SNX25: variants seen among roughly 807,000 people sequenced by gnomAD.
SNX25 encodes the protein sorting nexin 25.
SNX25 carries 62 observed loss-of-function variants against 113.7 expected under a neutral mutation model. The ratio of observed to expected loss-of-function variants is 0.55; its 90% CI spans 0.44 to 0.67. The LOEUF (loss-of-function observed/expected upper bound fraction) is 0.67, where lower values mean the gene tolerates loss of function less well. Ranked by LOEUF, SNX25 falls within the 30% of genes least tolerant of loss-of-function variation. The pLI is 0.00. For synonymous variants in SNX25, 421 were observed against 436.2 expected (o/e 0.97, Z 0.43); for missense variants, 1,014 against 1,161.0 (o/e 0.87, Z 1.84).
At chr4:185,273,274 T>C (rs1398439054) in intron 5 of SNX25, among the ~76,000 whole-genome samples, 2 of 152,116 alleles carry the variant, frequency 1.3e-5, no homozygotes, top group African/African-American at 4.8e-5. Flanking sequence ...AGGTGTACAG[T>C]GTCATTTATT....
intron 4 of SNX25, among the ~76,000 whole-genome samples, chr4:185,265,449 A>G (rs1747930196): frequency 6.6e-6 from 1 of 152,198 alleles, no homozygotes; most frequent in South Asian, 2.1e-4. Context: ...CAGTAAAAAT[A>G]TGGTATAAAA....
At chr4:185,290,457 C>G (rs1751992951) in intron 6 of SNX25, among the ~76,000 whole-genome samples, 2 of 152,212 alleles carry the variant, frequency 1.3e-5, no homozygotes, top group South Asian at 4.1e-4. Flanking sequence ...ACACTGGACA[C>G]TGGTCTCATT....
At position 185,239,083 on chromosome 4, in the gene SNX25, C is replaced by T. The variant is rs114109509; in HGVS notation, c.430-8211C>T. Reference sequence around the variant, plus strand: ...ACACAAAGACAGTTTGAGCGCATTACGGCTGGTACTCTGGAGTAAACAGAA... The same window carrying T: ...ACACAAAGACAGTTTGAGCGCATTATGGCTGGTACTCTGGAGTAAACAGAA... On this transcript the variant is annotated intron_variant, in intron 1 of 18. Transcript: ENST00000652585. 6.4e-3 allele frequency among the ~76,000 whole-genome samples: 970 copies of T among 152,204 alleles called. 6 individuals are homozygous for T. The highest frequency in any genetic ancestry group is 9.5e-3 in the Non-Finnish European group (643 of 68,010).
intron 2 of SNX25, among the ~76,000 whole-genome samples, chr4:185,249,570 A>G (rs1464032678): frequency 6.6e-6 from 1 of 152,152 alleles, no homozygotes; most frequent in Non-Finnish European, 1.5e-5. Context: ...TGTTTTCTTA[A>G]TGCTATCTTT....
chr4:185,307,197 A>T (rs1213624300), intron 6 of SNX25, among the ~76,000 whole-genome samples: 1 of 152,194 alleles, frequency 6.6e-6, no homozygotes, highest in Non-Finnish European at 1.5e-5. Context: ...ACTAATTGGG[A>T]CCTGAGATGG....
intron 6 of SNX25, among the ~76,000 whole-genome samples, chr4:185,309,240 C>G (rs1352819984): frequency 6.6e-6 from 1 of 152,150 alleles, no homozygotes; most frequent in East Asian, 1.9e-4. Flanking sequence ...GCATGGAAGC[C>G]TCGGGGCAGG....
chr4:185,326,176 T>C (rs1406579912), intron 9 of SNX25, among the ~76,000 whole-genome samples: 1 of 152,190 alleles, frequency 6.6e-6, no homozygotes, highest in Non-Finnish European at 1.5e-5. Flanking sequence ...AAAAGTTACT[T>C]TGACTTTGAA....
chr4:185,321,748 A>G (rs2095121856), intron 8 of SNX25, among the ~76,000 whole-genome samples: 1 of 152,166 alleles, frequency 6.6e-6, no homozygotes, highest in Non-Finnish European at 1.5e-5. Flanking sequence ...ATATCTGTAG[A>G]TTCAACCAAC....
rs773796826 is a variant in SNX25 at position 185,323,530 on chromosome 4, T to C, written c.1479T>C (p.Asn493=). The change falls in exon 9 of 19, where the codon AAT becomes AAC. Residue 493 remains asparagine, a splice_region_variant and synonymous_variant. Transcript: ENST00000652585. The part of the protein sequence containing the change: ...SVEHLKNANK[N]EIPQLVGEIY... ...TCCTTATCTTCCTGTCTTTTCAGAA[T>C]GAAATTCCACAATTAGTTGGTGAAA... The C allele has an allele frequency of 1.1e-5, 17 of 1,607,410 alleles. No homozygotes were observed. The highest frequency in any genetic ancestry group is 2.7e-5 in the African/African-American group (2 of 74,472).
downstream of SNX25, among the ~76,000 whole-genome samples, chr4:185,373,766 T>C (rs1270401535): frequency 6.6e-6 from 1 of 152,254 alleles, no homozygotes; most frequent in Non-Finnish European, 1.5e-5. Context: ...AAATCTTAGA[T>C]GGATTTTATT....
chr4:185,236,511 A>G (rs918728396), intron 1 of SNX25, among the ~76,000 whole-genome samples: 1 of 150,302 alleles, frequency 6.7e-6, no homozygotes, highest in African/African-American at 2.4e-5. Flanking sequence ...CCAGTAGCAT[A>G]ACAGTGGCCA....
chr4:185,239,361 T>G (rs957156023), intron 1 of SNX25, among the ~76,000 whole-genome samples: 1 of 152,036 alleles, frequency 6.6e-6, no homozygotes, highest in Non-Finnish European at 1.5e-5. Context: ...TGGGCACCTG[T>G]AGTCCCAGCT....
chr4:185,308,574 T>C (rs776269272), intron 6 of SNX25, among the ~76,000 whole-genome samples: 1 of 152,202 alleles, frequency 6.6e-6, no homozygotes, highest in Non-Finnish European at 1.5e-5. Flanking sequence ...CTGATACATA[T>C]TAGCAAAATG....
At position 185,323,559 on chromosome 4, in the gene SNX25, A is replaced by G. The variant is rs985194364; in HGVS notation, c.1508A>G (p.Tyr503Cys). 4 of 1,611,624 alleles carry G rather than the reference A, an allele frequency of 2.5e-6. No individual in the cohort carries two copies. The Admixed American group carries it at 5.0e-5, about 20-fold the overall frequency. The change falls in exon 9 of 19, where the codon TAT becomes TGT. Residue 503 changes from tyrosine (Y) to cysteine (C), a missense_variant. Coordinates refer to ENST00000652585, the MANE Select transcript of SNX25 (RefSeq NM_001378034.2). ...NEIPQLVGEI[Y>C]QNFFVESKEI... is the part of the protein sequence containing the mutation. ...ATTCCACAATTAGTTGGTGAAATTT[A>G]TCAGAATTTCTTTGTGGAGAGCAAA...
chr4:185,247,208 G>T, intron 1 of SNX25, 86 bp from the exon 2 acceptor site: 1 of 846,008 alleles, frequency 1.2e-6, no homozygotes, highest in Non-Finnish European at 1.9e-6. Flanking sequence ...TGCTTGTTTA[G>T]ATGGCATTTC....
At chr4:185,319,257 G>A (rs975921190) in intron 7 of SNX25, among the ~76,000 whole-genome samples, 2 of 142,964 alleles carry the variant, frequency 1.4e-5, no homozygotes, top group African/African-American at 5.3e-5. Flanking sequence ...GAGTGCAATG[G>A]TGCAATCTCA....
intron 6 of SNX25, among the ~76,000 whole-genome samples, chr4:185,293,434 T>C (rs1214833515): frequency 2.0e-5 from 3 of 152,162 alleles, no homozygotes; most frequent in African/African-American, 7.2e-5. Flanking sequence ...GGGAGTATTA[T>C]TCAACAATAA....
intron 7 of SNX25, among the ~76,000 whole-genome samples, chr4:185,316,331 G>A (rs2095074330): frequency 6.6e-6 from 1 of 152,138 alleles, no homozygotes; most frequent in East Asian, 1.9e-4. Context: ...TTTTATGGGT[G>A]AAAAAACTGA....
intron 5 of SNX25, among the ~76,000 whole-genome samples, chr4:185,283,807 A>G (rs1025248609): frequency 6.6e-6 from 1 of 152,226 alleles, no homozygotes; most frequent in Non-Finnish European, 1.5e-5. Flanking sequence ...GAGATAATGT[A>G]AATTAAAATA....
Sources: allele counts gnomAD v4.1 joint callset (sites outside exome capture counted in the v4.1 genomes callset), GRCh38; gene constraint gnomAD v4.1.1; transcripts MANE v1.5; gene names NCBI Gene and HGNC (gene_info 2026-07-23, HGNC 2026-07-21).